The following COX7B2 variants were observed in gnomAD, a reference collection of about 807,000 sequenced individuals.
COX7B2 encodes cytochrome c oxidase subunit 7B2.
For missense variants in COX7B2, 109 were observed against 95.9 expected, an observed-to-expected ratio of 1.14 and a Z score of -0.57; for synonymous variants, 37 against 32.1, an observed-to-expected ratio of 1.15 and a Z score of -0.51.
intron 2 of COX7B2, among the ~76,000 whole-genome samples, chr4:46,781,720 C>A (rs1476268835): frequency 6.6e-6 from 1 of 152,234 alleles, no homozygotes; most frequent in Admixed American, 6.5e-5. Flanking sequence ...CTGGCGCTCA[C>A]CAGCCAGCAT....
intron 1 of COX7B2, among the ~76,000 whole-genome samples, chr4:46,895,691 T>A (rs925883446): frequency 6.6e-6 from 1 of 152,160 alleles, no homozygotes; most frequent in African/African-American, 2.4e-5. Flanking sequence ...TATTTGTTTT[T>A]CTGGAGTTTG....
At chr4:46,741,412 C>A (rs1714700398) in intron 2 of COX7B2, among the ~76,000 whole-genome samples, 1 of 152,048 alleles carries the variant, frequency 6.6e-6, no homozygotes, top group Admixed American at 6.6e-5. Flanking sequence ...CCAGTTTTGA[C>A]ACCATAAATG....
intron 2 of COX7B2, among the ~76,000 whole-genome samples, chr4:46,801,308 C>A (rs1345762228): frequency 6.6e-6 from 1 of 152,114 alleles, no homozygotes; most frequent in Non-Finnish European, 1.5e-5. Flanking sequence ...GCCCTACTTA[C>A]AATAGCAAAG....
chr4:46,902,270 C>T (rs910364963), intron 1 of COX7B2, among the ~76,000 whole-genome samples: 1 of 152,110 alleles, frequency 6.6e-6, no homozygotes, highest in Admixed American at 6.6e-5. Context: ...CTTCTAAAGT[C>T]GACGATCATA....
At chr4:46,878,152 A>C (rs1718463017) in intron 1 of COX7B2, among the ~76,000 whole-genome samples, 1 of 152,178 alleles carries the variant, frequency 6.6e-6, no homozygotes, top group Admixed American at 6.5e-5. Context: ...ACAGAAAGAA[A>C]GACTGTGTGA....
At chr4:46,853,114 T>C (rs1410847338) in intron 1 of COX7B2, among the ~76,000 whole-genome samples, 1 of 152,166 alleles carries the variant, frequency 6.6e-6, no homozygotes, top group African/African-American at 2.4e-5. Context: ...GATTGATTGA[T>C]GAAAACGTGA....
chr4:46,746,503 G>A (rs1432844831), intron 2 of COX7B2, among the ~76,000 whole-genome samples: 1 of 152,116 alleles, frequency 6.6e-6, no homozygotes, highest in Non-Finnish European at 1.5e-5. Flanking sequence ...GATATTGAAT[G>A]GGGCGGAAAC....
At position 46,836,019 on chromosome 4, in the gene COX7B2, A is replaced by G. The variant is rs985211711; in HGVS notation, c.-50+8941T>C. 3.3e-5 allele frequency among the ~76,000 whole-genome samples: 5 copies of G among 152,272 alleles called. No individual in the cohort carries two copies. In the East Asian group the frequency reaches 7.7e-4, roughly 23 times the overall value. On this transcript the variant is annotated intron_variant, in intron 2 of 2. Transcript: ENST00000355591. Reference sequence around the variant, plus strand: ...ATGGTATAAAAGATAAAAATGGTACACCTTTATAGGGCACTTATGAATGGA... The same window carrying G: ...ATGGTATAAAAGATAAAAATGGTACGCCTTTATAGGGCACTTATGAATGGA...
chr4:46,890,357 G>C (rs1277742922), intron 1 of COX7B2, among the ~76,000 whole-genome samples: 1 of 152,182 alleles, frequency 6.6e-6, no homozygotes, highest in Admixed American at 6.5e-5. Flanking sequence ...AAAGGGCATT[G>C]TTGTAAAGCA....
At chr4:46,889,676 C>T (rs1271592617) in intron 1 of COX7B2, among the ~76,000 whole-genome samples, 2 of 152,100 alleles carry the variant, frequency 1.3e-5, no homozygotes, top group Non-Finnish European at 2.9e-5. Flanking sequence ...AAAGGAATGC[C>T]TCTTGAGGAG....
chr4:46,816,178 G>A (rs530439970), intron 2 of COX7B2, among the ~76,000 whole-genome samples: 4 of 152,264 alleles, frequency 2.6e-5, no homozygotes, highest in East Asian at 3.9e-4. Flanking sequence ...ATTTGTGAAT[G>A]AAACAAATTG....
At chr4:46,750,988 C>A (rs551464733) in intron 2 of COX7B2, among the ~76,000 whole-genome samples, 4 of 152,110 alleles carry the variant, frequency 2.6e-5, no homozygotes, top group African/African-American at 9.7e-5. Flanking sequence ...TTGGGGAGGA[C>A]ACAAACAGTC....
At position 46,847,052 on chromosome 4, in the gene COX7B2, A is replaced by G. The variant is rs577735101; in HGVS notation, c.-104-2038T>C. Among the ~76,000 whole-genome samples, 11 of 152,158 alleles carry G rather than the reference A, an allele frequency of 7.2e-5. No individual in the cohort carries two copies. In the South Asian group the frequency reaches 1.2e-3, roughly 17 times the overall value. On this transcript the variant is annotated intron_variant, in intron 1 of 2. Transcript: ENST00000355591. The stretch of plus-strand genomic sequence containing the variant: ...CTGGTGTGAAGTTTGAGGACGATCA[A>G]ATTTAACACCATAGATATAGCCGTT...
chr4:46,784,354 C>T (rs930056907), intron 2 of COX7B2, among the ~76,000 whole-genome samples: 5 of 152,190 alleles, frequency 3.3e-5, no homozygotes, highest in East Asian at 1.9e-4. Context: ...GGGCCGGGTG[C>T]GGTGGCTTAT....
chr4:46,886,844 T>C (rs1719111969), intron 1 of COX7B2, among the ~76,000 whole-genome samples: 1 of 152,128 alleles, frequency 6.6e-6, no homozygotes, highest in South Asian at 2.1e-4. Flanking sequence ...TATGCAAAAA[T>C]GCCTTTTCAC....
intron 2 of COX7B2, among the ~76,000 whole-genome samples, chr4:46,840,062 A>T (rs1715825590): frequency 6.6e-6 from 1 of 151,988 alleles, no homozygotes; most frequent in African/African-American, 2.4e-5. Context: ...ATCCAAAGGA[A>T]GGCAATTGCT....
chr4:46,884,197 T>G (rs992292772), intron 1 of COX7B2, among the ~76,000 whole-genome samples: 1 of 151,990 alleles, frequency 6.6e-6, no homozygotes, highest in African/African-American at 2.4e-5. Flanking sequence ...GTGGTGGTGT[T>G]TGTTTGTTTT....
chr4:46,850,561 G>A (rs1354416657), intron 1 of COX7B2, among the ~76,000 whole-genome samples: 1 of 152,058 alleles, frequency 6.6e-6, no homozygotes, highest in Non-Finnish European at 1.5e-5. Flanking sequence ...CTTCCTAAAA[G>A]TGTAAGACTT....
At chr4:46,828,121 A>T (rs1266169877) in intron 2 of COX7B2, among the ~76,000 whole-genome samples, 1 of 152,240 alleles carries the variant, frequency 6.6e-6, no homozygotes, top group Non-Finnish European at 1.5e-5. Flanking sequence ...TTAGGAAAAC[A>T]TAATGCAAAA....
Sources: gnomAD v4.1 joint callset for allele counts (sites outside exome capture counted in the v4.1 genomes callset) on GRCh38, gnomAD v4.1.1 for gene constraint, MANE v1.5 for transcripts, NCBI Gene and HGNC (gene_info 2026-07-23, HGNC 2026-07-21) for gene names.